The following BTG4 variants were observed in gnomAD, a reference collection of about 807,000 sequenced individuals.
BTG4 encodes the protein BTG anti-proliferation factor 4, also known as protein BTG4.
A neutral mutation model predicts 19.3 loss-of-function variants in BTG4; 10 were observed. The observed-to-expected ratio is 0.52, with a 90% CI of 0.32 to 0.88. BTG4 has a LOEUF of 0.88. Among genes scored for constraint, BTG4 ranks in the 40% least tolerant of loss-of-function variants. BTG4 has a pLI of 0.04. For synonymous variants in BTG4, 91 were observed against 95.7 expected (o/e 0.95, Z 0.29); for missense variants, 238 against 281.9 (o/e 0.84, Z 1.11).
chr11:111,461,034 T>G, the BTG4 span, among the ~76,000 whole-genome samples: 1 of 152,068 alleles, frequency 6.6e-6, no homozygotes, highest in East Asian at 1.9e-4. Context: ...TCTAGAAAGC[T>G]CTCCCTGGCA....
At chr11:111,401,930 C>T in the BTG4 span, among the ~76,000 whole-genome samples, 388 of 152,288 alleles carry the variant, frequency 2.5e-3, 12 homozygotes, top group East Asian at 0.066. Context: ...AATTCAACCC[C>T]TGCCTTCTTG....
chr11:111,416,925 C>T, the BTG4 span: 1,673 of 152,312 alleles, frequency 0.011, 13 homozygotes, highest in Non-Finnish European at 0.016. Flanking sequence ...GCTGGGCCTG[C>T]GGTGAATTTT....
the BTG4 span, among the ~76,000 whole-genome samples, chr11:111,412,316 C>T: frequency 1.3e-5 from 2 of 152,178 alleles, no homozygotes; most frequent in African/African-American, 4.8e-5. Context: ...CTTGGAACTA[C>T]TTGATTTTAG....
chr11:111,441,753 G>A, the BTG4 span, among the ~76,000 whole-genome samples: 2 of 152,214 alleles, frequency 1.3e-5, no homozygotes, highest in Non-Finnish European at 2.9e-5. Flanking sequence ...AGCATTAACA[G>A]AAAGGGAAAA....
At chr11:111,391,548 G>A in the BTG4 span, among the ~76,000 whole-genome samples, 4 of 152,102 alleles carry the variant, frequency 2.6e-5, no homozygotes, top group South Asian at 2.1e-4. Context: ...AGGCCTGGGC[G>A]GCACAGGCGG....
chr11:111,389,681 A>G, the BTG4 span, among the ~76,000 whole-genome samples: 1 of 152,260 alleles, frequency 6.6e-6, no homozygotes, highest in Non-Finnish European at 1.5e-5. Flanking sequence ...CAGTGTTGCT[A>G]TCACTATCTG....
the BTG4 span, chr11:111,448,440 C>G: frequency 6.5e-6 from 1 of 152,774 alleles, no homozygotes; most frequent in Admixed American, 6.5e-5. Context: ...GCATGGCTGT[C>G]CCCCTACAGG....
At chr11:111,400,519 TA>T in the BTG4 span, among the ~76,000 whole-genome samples, 11 of 152,216 alleles carry the variant, frequency 7.2e-5, no homozygotes, top group Middle Eastern at 3.2e-3. Context: ...TAATATAGCA[TA>T]ACTTTAACAT....
chr11:111,431,306 T>C, the BTG4 span, among the ~76,000 whole-genome samples: 1 of 152,158 alleles, frequency 6.6e-6, no homozygotes, highest in Non-Finnish European at 1.5e-5. Flanking sequence ...CCTTGATGTG[T>C]CAGGCACTGT....
chr11:111,450,304 G>C, the BTG4 span: 1 of 152,602 alleles, frequency 6.6e-6, no homozygotes, highest in South Asian at 2.1e-4. Flanking sequence ...TCCGTGTCTT[G>C]AGGGAAGATC....
At chr11:111,405,007 T>G in the BTG4 span, among the ~76,000 whole-genome samples, 2 of 152,224 alleles carry the variant, frequency 1.3e-5, no homozygotes, top group African/African-American at 2.4e-5. Context: ...ATCCCAGCAC[T>G]ATGCTGGTCA....
the BTG4 span, among the ~76,000 whole-genome samples, chr11:111,404,049 T>C: frequency 2.0e-5 from 3 of 152,146 alleles, no homozygotes; most frequent in Non-Finnish European, 4.4e-5. Flanking sequence ...GGGGACCCAG[T>C]GGGAGGTAAT....
downstream of BTG4, among the ~76,000 whole-genome samples, chr11:111,494,662 CACG>C (rs201464479): frequency 8.0e-3 from 1,218 of 152,232 alleles, 12 homozygotes; most frequent in African/African-American, 0.028. Flanking sequence ...CACGGTGGCT[CACG>C]CCTGAATCCC....
At chr11:111,509,141 A>G (rs898638983) in intron 1 of BTG4, among the ~76,000 whole-genome samples, 1 of 152,234 alleles carries the variant, frequency 6.6e-6, no homozygotes, top group African/African-American at 2.4e-5. Context: ...ATGAGAGTAC[A>G]ATGAAATGAA....
At chr11:111,510,110 C>T (rs1866771937) in intron 1 of BTG4, among the ~76,000 whole-genome samples, 1 of 151,844 alleles carries the variant, frequency 6.6e-6, no homozygotes, top group African/African-American at 2.4e-5. Flanking sequence ...CAGGGTTTCA[C>T]CATGTTGGCC....
intron 1 of BTG4, among the ~76,000 whole-genome samples, chr11:111,510,005 G>A (rs919675407): frequency 6.9e-5 from 10 of 145,270 alleles, no homozygotes; most frequent in Non-Finnish European, 1.0e-4. Context: ...TCTGCCTCCC[G>A]GGTTCAAGCT....
chr11:111,453,414 G>T, the BTG4 span: 3 of 456,380 alleles, frequency 6.6e-6, no homozygotes, highest in African/African-American at 2.0e-5. Flanking sequence ...TGTAGATGCA[G>T]TGTCACAGCC....
chr11:111,455,454 G>A, the BTG4 span: 2 of 233,684 alleles, frequency 8.6e-6, no homozygotes, highest in South Asian at 5.8e-5. Context: ...AGGCGAGTAC[G>A]CAGCCAGCCT....
the BTG4 span, chr11:111,416,679 C>A: frequency 0.31 from 46,906 of 152,022 alleles, 7,873 homozygotes; most frequent in South Asian, 0.57. Flanking sequence ...GGAGCCCCTG[C>A]ATTTGTATTC....
Sources: allele counts gnomAD v4.1 joint callset (sites outside exome capture counted in the v4.1 genomes callset), GRCh38; gene constraint gnomAD v4.1.1; transcripts MANE v1.5; gene names NCBI Gene and HGNC (gene_info 2026-07-23, HGNC 2026-07-21).